Variants in CWC27 observed in about 807,000 individuals in gnomAD.
CWC27 encodes the protein CWC27 spliceosome associated cyclophilin, also known as spliceosome-associated protein CWC27 homolog.
In CWC27, 47 loss-of-function variants were observed where a neutral mutation model predicts 63.6. That is an observed-to-expected ratio of 0.74 (90% CI 0.58 to 0.94). The LOEUF (loss-of-function observed/expected upper bound fraction) is 0.94, where lower values mean the gene tolerates loss of function less well. Among genes scored for constraint, CWC27 ranks in the 40% least tolerant of loss-of-function variants. The pLI, the probability that CWC27 is intolerant of heterozygous loss-of-function variation, is 0.00. For missense variants in CWC27, 495 were observed against 554.3 expected (o/e 0.89, Z 1.07); for synonymous variants, 175 against 179.8 (o/e 0.97, Z 0.22).
intron 12 of CWC27, among the ~76,000 whole-genome samples, chr5:64,972,249 A>G (rs1443253398): frequency 6.6e-6 from 1 of 152,236 alleles, no homozygotes; most frequent in East Asian, 1.9e-4. Flanking sequence ...TTGGTCTGCT[A>G]GCTGACTTCT....
chr5:64,789,424 C>T (rs1354055747), intron 7 of CWC27, among the ~76,000 whole-genome samples: 1 of 151,996 alleles, frequency 6.6e-6, no homozygotes, highest in East Asian at 1.9e-4. Flanking sequence ...CATTAATTCT[C>T]ATTACAGCCC....
rs571711176 is a variant in CWC27, at chr5:64,910,059, G to T, written c.1042+24513G>T. Reference sequence around the variant, plus strand: ...TTCTGCTCTGGTTTTTCCCATCTTTGTGGTTTTATCTACCTTTGATCTTTG... The same window carrying T: ...TTCTGCTCTGGTTTTTCCCATCTTTTTGGTTTTATCTACCTTTGATCTTTG... On this transcript the variant is annotated intron_variant, in intron 11 of 13. Coordinates refer to ENST00000381070, the MANE Select transcript of CWC27 (RefSeq NM_005869.4). Among the ~76,000 whole-genome samples the T allele has an allele frequency of 2.1e-4, 32 of 152,302 alleles. 1 individual carries two copies. In the South Asian group the frequency reaches 6.6e-3, roughly 32 times the overall value.
chr5:64,998,871 G>GT (rs1749684260), intron 13 of CWC27, among the ~76,000 whole-genome samples: 2 of 151,206 alleles, frequency 1.3e-5, no homozygotes, highest in Admixed American at 6.6e-5. Context: ...TCTCTTTTGA[G>GT]TTTTTTGTTT....
chr5:65,001,062 G>GGTGT (rs138378685), intron 13 of CWC27, among the ~76,000 whole-genome samples: 1 of 150,622 alleles, frequency 6.6e-6, no homozygotes, highest in African/African-American at 2.4e-5. Flanking sequence ...TTCCTAGTTT[G>GGTGT]GTGTGTGTGT....
intron 9 of CWC27, 147 bp from the exon 10 acceptor site, chr5:64,804,081 AG>A (rs1744574655): frequency 1.4e-6 from 1 of 689,846 alleles, no homozygotes; most frequent in Admixed American, 3.4e-5. Context: ...AGATTCTTCA[AG>A]GGCTTATAAT....
At chr5:64,781,788 A>G (rs1422738168) in intron 2 of CWC27, 133 bp from the exon 3 acceptor site, 2 of 468,114 alleles carry the variant, frequency 4.3e-6, no homozygotes, top group Non-Finnish European at 7.7e-6. Context: ...GAAGGAGGAT[A>G]CAAAAGGTTT....
chr5:64,840,361 TTAAAAAAAAAAAA>T (rs1314011488), intron 10 of CWC27, among the ~76,000 whole-genome samples: 23 of 35,830 alleles, frequency 6.4e-4, no homozygotes, highest in African/African-American at 9.2e-4. Context: ...TCCTTTTTCA[TTAAAAAAAAAAAA>T]AAAAAAAAAA....
At chr5:64,823,244 A>G (rs925715122) in intron 10 of CWC27, among the ~76,000 whole-genome samples, 4 of 152,236 alleles carry the variant, frequency 2.6e-5, no homozygotes, top group Admixed American at 2.6e-4. Flanking sequence ...AGTACCATTG[A>G]TACCACACAG....
At chr5:65,013,463 C>G (rs1749996729) in intron 13 of CWC27, among the ~76,000 whole-genome samples, 1 of 152,172 alleles carries the variant, frequency 6.6e-6, no homozygotes, top group Non-Finnish European at 1.5e-5. Flanking sequence ...GAACAAGACT[C>G]AAACTGTCTC....
intron 11 of CWC27, among the ~76,000 whole-genome samples, chr5:64,955,661 T>A (rs1748790533): frequency 6.6e-6 from 1 of 152,100 alleles, no homozygotes; most frequent in Admixed American, 6.6e-5. Flanking sequence ...ATCTCAAAAC[T>A]TAATTTGTCA....
chr5:64,961,860 T>G (rs1476205873), intron 11 of CWC27, among the ~76,000 whole-genome samples: 8 of 152,222 alleles, frequency 5.3e-5, no homozygotes, highest in Non-Finnish European at 1.5e-5. Flanking sequence ...CCTAGCATAG[T>G]GCTTGACATA....
chr5:64,965,308 G>T (rs1580753221), intron 11 of CWC27, among the ~76,000 whole-genome samples: 1 of 152,094 alleles, frequency 6.6e-6, no homozygotes, highest in Non-Finnish European at 1.5e-5. Context: ...AGTCAAAAAG[G>T]TCTCACCCAT....
Position 64,768,967 on chromosome 5 carries a change from G to A in CWC27, c.-180G>A, listed in dbSNP as rs951440475. 1.8e-5 allele frequency: 11 copies of A among 596,362 alleles called. No homozygotes were observed. The highest frequency in any genetic ancestry group is 3.3e-5 in the Non-Finnish European group (11 of 334,294). The allele number at this position is 596,362 out of a possible 1,614,324, so 36.9% of individuals were successfully genotyped here. A position where few individuals can be genotyped will look rare whatever the true frequency, so the allele number is the denominator to read the frequency against. On this transcript the variant is annotated 5_prime_UTR_variant, in exon 1 of 14. In the 5' UTR this introduces an upstream ATG that the reference lacks. Transcript: ENST00000381070. ...GTCCGGTAACAACATGGCGGCGTCC[G>A]TGAGGGGCTCCTTTGGGCAGGGGTA...
At chr5:64,934,176 A>G (rs545736674) in intron 11 of CWC27, among the ~76,000 whole-genome samples, 45 of 152,292 alleles carry the variant, frequency 3.0e-4, no homozygotes, top group Non-Finnish European at 1.6e-4. Flanking sequence ...ATAGGTATAC[A>G]TGTGCCACCA....
intron 10 of CWC27, chr5:64,807,892 C>A: frequency 1.4e-6 from 2 of 1,453,228 alleles, no homozygotes; most frequent in Non-Finnish European, 1.8e-6. Flanking sequence ...ATTTCCTGTC[C>A]CTACCTCCTT....
At chr5:64,897,940 A>G (rs907843728) in intron 11 of CWC27, among the ~76,000 whole-genome samples, 1 of 131,452 alleles carries the variant, frequency 7.6e-6, no homozygotes, top group Non-Finnish European at 1.6e-5. Context: ...ATTCCATTAT[A>G]GTGAGAGATT....
intron 11 of CWC27, among the ~76,000 whole-genome samples, chr5:64,916,885 T>TAGTAG (rs1747897749): frequency 3.5e-5 from 5 of 144,018 alleles, no homozygotes; most frequent in Admixed American, 6.9e-5. Context: ...AGTAGTAGTA[T>TAGTAG]TAGTAGTAGT....
intron 10 of CWC27, among the ~76,000 whole-genome samples, chr5:64,871,320 G>A (rs143326919): frequency 1.3e-3 from 198 of 152,174 alleles, no homozygotes; most frequent in African/African-American, 4.5e-3. Flanking sequence ...TGATGGTAAG[G>A]ATAATATAGG....
At position 64,928,394 on chromosome 5, in the gene CWC27, A is replaced by G. The variant is rs1196079371; in HGVS notation, c.1042+42848A>G. On this transcript the variant is annotated intron_variant, in intron 11 of 13. Coordinates refer to ENST00000381070, the MANE Select transcript of CWC27 (RefSeq NM_005869.4). Reference sequence around the variant, plus strand: ...ATAATGACAAGTCTGCTTGGTTTTAATTGTCAAAAAGTTTTCTTCTTCTTT... The same window carrying G: ...ATAATGACAAGTCTGCTTGGTTTTAGTTGTCAAAAAGTTTTCTTCTTCTTT... Among the ~76,000 whole-genome samples, 3 of 152,302 alleles carry G rather than the reference A, an allele frequency of 2.0e-5. No homozygotes were observed. In the East Asian group the frequency reaches 5.8e-4, roughly 29 times the overall value.
Sources: gnomAD v4.1 joint callset for allele counts (sites outside exome capture counted in the v4.1 genomes callset) on GRCh38, gnomAD v4.1.1 for gene constraint, MANE v1.5 for transcripts, NCBI Gene and HGNC (gene_info 2026-07-23, HGNC 2026-07-21) for gene names.